The following ZC3H12B variants were observed in gnomAD, a reference collection of about 807,000 sequenced individuals.
The protein encoded by ZC3H12B is zinc finger CCCH-type containing 12B, also known as probable ribonuclease ZC3H12B.
In ZC3H12B, 7 loss-of-function variants were observed where a neutral mutation model predicts 43.9. The observed-to-expected ratio is 0.16, with a 90% CI of 0.09 to 0.30. The LOEUF is 0.30. ZC3H12B is among the 10% of genes least tolerant of loss of function. The pLI, the probability that ZC3H12B is intolerant of heterozygous loss-of-function variation, is 1.00. For synonymous variants in ZC3H12B, 222 were observed against 241.7 expected (o/e 0.92, Z 0.76); for missense variants, 475 against 670.2 (o/e 0.71, Z 3.22).
chrX:65,211,708 T>C, the ZC3H12B span, among the ~76,000 whole-genome samples: 6 of 88,248 alleles, frequency 6.8e-5, no homozygotes, highest in Non-Finnish European at 1.1e-4. Context: ...TAATATATAA[T>C]ATATATTATA....
chrX:65,476,257 A>G (rs778444012), intron 3 of ZC3H12B, among the ~76,000 whole-genome samples: 1 of 110,987 alleles, frequency 9.0e-6, no homozygotes, highest in African/African-American at 3.3e-5. Flanking sequence ...ATATTTTTAT[A>G]CTATCTTGTA....
the ZC3H12B span, among the ~76,000 whole-genome samples, chrX:65,215,440 T>C: frequency 9.0e-6 from 1 of 111,264 alleles, no homozygotes; most frequent in Non-Finnish European, 1.9e-5. Flanking sequence ...TTTAATCTTA[T>C]GGAGACGGCT....
At chrX:65,485,880 T>A (rs2068118141), upstream of ZC3H12B, among the ~76,000 whole-genome samples, 1 of 112,252 alleles carries the variant, frequency 8.9e-6, no homozygotes, top group African/African-American at 3.2e-5. Flanking sequence ...TATGATTATT[T>A]GATTATTGTC....
At chrX:65,262,940 A>G in the ZC3H12B span, among the ~76,000 whole-genome samples, 1 of 110,568 alleles carries the variant, frequency 9.0e-6, no homozygotes, top group Non-Finnish European at 1.9e-5. Context: ...CAACTAAGAC[A>G]TGGTCTACAT....
At chrX:65,147,074 T>G in the ZC3H12B span, among the ~76,000 whole-genome samples, 1 of 112,447 alleles carries the variant, frequency 8.9e-6, no homozygotes, top group Non-Finnish European at 1.9e-5. Context: ...TTTTATGTAT[T>G]TGTAAACTTT....
chrX:65,405,790 G>A (rs1362771929), intron 3 of ZC3H12B, among the ~76,000 whole-genome samples: 2 of 111,761 alleles, frequency 1.8e-5, no homozygotes, highest in African/African-American at 3.3e-5. Context: ...TCAAATAAAA[G>A]CATTAGAAAT....
At chrX:65,298,215 C>T in the ZC3H12B span, among the ~76,000 whole-genome samples, 340 of 111,505 alleles carry the variant, frequency 3.0e-3, 1 homozygote, top group African/African-American at 0.01. Flanking sequence ...AACAGACAAC[C>T]CACAGAGTGA....
the ZC3H12B span, among the ~76,000 whole-genome samples, chrX:65,074,919 A>C: frequency 1.8e-5 from 2 of 112,145 alleles, no homozygotes; most frequent in Admixed American, 9.4e-5. Flanking sequence ...TTTTTGTCAG[A>C]TAATTCATAT....
the ZC3H12B span, among the ~76,000 whole-genome samples, chrX:65,319,448 GA>G: frequency 0.083 from 9,139 of 110,737 alleles, 1,026 homozygotes; most frequent in African/African-American, 0.29. Flanking sequence ...CTCCTATCCA[GA>G]AAAAAACACA....
the ZC3H12B span, among the ~76,000 whole-genome samples, chrX:65,055,103 C>A: frequency 9.0e-6 from 1 of 111,083 alleles, no homozygotes; most frequent in South Asian, 3.9e-4. Flanking sequence ...ATTGCGCTGG[C>A]CAGAACTTCC....
the ZC3H12B span, among the ~76,000 whole-genome samples, chrX:65,280,873 G>A: frequency 8.9e-6 from 1 of 111,865 alleles, no homozygotes; most frequent in Admixed American, 9.5e-5. Flanking sequence ...TTGGAAAAAA[G>A]AAATCAAAGA....
intron 2 of ZC3H12B, among the ~76,000 whole-genome samples, chrX:65,396,591 T>C (rs1221883950): frequency 9.1e-6 from 1 of 110,350 alleles, no homozygotes; most frequent in Non-Finnish European, 1.9e-5. Context: ...TTTTTTTTTT[T>C]CGCATTTGCT....
chrX:65,053,376 C>T, the ZC3H12B span, among the ~76,000 whole-genome samples: 12 of 110,261 alleles, frequency 1.1e-4, no homozygotes, highest in Non-Finnish European at 1.9e-4. Context: ...TTTTTCCTTG[C>T]GATAGTTTGC....
chrX:65,225,522 G>A, the ZC3H12B span, among the ~76,000 whole-genome samples: 6 of 112,664 alleles, frequency 5.3e-5, no homozygotes, highest in East Asian at 2.8e-4. Flanking sequence ...AAAGCTGGAC[G>A]GAGAATGACT....
At chrX:65,387,643 T>TAA (rs2066547684) in intron 2 of ZC3H12B, among the ~76,000 whole-genome samples, 1 of 111,908 alleles carries the variant, frequency 8.9e-6, no homozygotes, top group Non-Finnish European at 1.9e-5. Context: ...CATTTACATT[T>TAA]ATGGTTAATA....
At chrX:65,113,990 T>TATATATATAG in the ZC3H12B span, among the ~76,000 whole-genome samples, 1 of 22,337 alleles carries the variant, frequency 4.5e-5, no homozygotes, top group Admixed American at 3.9e-4. Flanking sequence ...TGCTTGTATA[T>TATATATATAG]ATATATATAT....
intron 3 of ZC3H12B, among the ~76,000 whole-genome samples, chrX:65,474,618 T>A (rs1170814429): frequency 1.8e-5 from 2 of 111,355 alleles, no homozygotes; most frequent in African/African-American, 6.5e-5. Flanking sequence ...CCATATATTT[T>A]TTTTTTTTCT....
chrX:65,166,048 C>A, the ZC3H12B span, among the ~76,000 whole-genome samples: 1 of 111,146 alleles, frequency 9.0e-6, no homozygotes, highest in African/African-American at 3.3e-5. Context: ...TTCTTTCTTT[C>A]TTTCTTTTTT....
chrX:65,117,243 A>G, the ZC3H12B span, among the ~76,000 whole-genome samples: 1 of 111,634 alleles, frequency 9.0e-6, no homozygotes, highest in Non-Finnish European at 1.9e-5. Flanking sequence ...CTTTTTAATG[A>G]TCGCCATTCT....
Sources: gnomAD v4.1 joint callset for allele counts (sites outside exome capture counted in the v4.1 genomes callset) on GRCh38, gnomAD v4.1.1 for gene constraint, MANE v1.5 for transcripts, NCBI Gene and HGNC (gene_info 2026-07-23, HGNC 2026-07-21) for gene names.